The following SDCCAG8 variants were observed in gnomAD, a reference collection of about 807,000 sequenced individuals.
SDCCAG8 encodes the protein serologically defined colon cancer antigen 8.
SDCCAG8 carries 74 observed loss-of-function variants against 101.8 expected under a neutral mutation model. The observed-to-expected ratio is 0.73, with a 90% CI of 0.60 to 0.88. SDCCAG8 has a LOEUF of 0.88. Among genes scored for constraint, SDCCAG8 ranks in the 40% least tolerant of loss-of-function variants. The probability of loss-of-function intolerance (pLI) is 0.00; values close to 1 mark genes in which losing one functional copy is unlikely to be tolerated. For synonymous variants in SDCCAG8, 281 were observed against 292.9 expected, an observed-to-expected ratio of 0.96 and a Z score of 0.41; for missense variants, 787 against 822.6, an observed-to-expected ratio of 0.96 and a Z score of 0.53.
intron 13 of SDCCAG8, among the ~76,000 whole-genome samples, chr1:243,413,897 G>A (rs1485504105): frequency 6.6e-6 from 1 of 152,140 alleles, no homozygotes; most frequent in Non-Finnish European, 1.5e-5. Context: ...CGTCTGAAAA[G>A]TTTTTGCCTC....
At chr1:243,432,474 C>G (rs1019204789) in intron 16 of SDCCAG8, among the ~76,000 whole-genome samples, 1 of 152,080 alleles carries the variant, frequency 6.6e-6, no homozygotes, top group African/African-American at 2.4e-5. Flanking sequence ...TTCACAATCT[C>G]CCATGATACA....
intron 17 of SDCCAG8, among the ~76,000 whole-genome samples, chr1:243,495,949 C>T (rs74153903): frequency 0.011 from 1,671 of 152,234 alleles, 25 homozygotes; most frequent in African/African-American, 0.038. Context: ...CGAATCTCAG[C>T]TCTGCGTTGC....
rs533721896 is a variant in SDCCAG8, at chr1:243,330,587, G to A, written c.1116G>A (p.Ala372=). The change falls in exon 10 of 18, where the codon GCG becomes GCA. Residue 372 remains alanine (A), a synonymous_variant. Coordinates refer to ENST00000366541, the MANE Select transcript of SDCCAG8 (RefSeq NM_006642.5). Reference sequence around the variant, plus strand: ...TGAGGAAGGAGCTGGAGAGGCAGGCGGAGCGACTTGAAAAAGAACTTGCAT... The same window carrying A: ...TGAGGAAGGAGCTGGAGAGGCAGGCAGAGCGACTTGAAAAAGAACTTGCAT... The part of the protein sequence containing the change: ...DQLRKELERQ[A]ERLEKELASQ... 62 of 1,613,960 alleles carry A rather than the reference G, an allele frequency of 3.8e-5. No individual in the cohort carries two copies. The Middle Eastern group carries it at 4.9e-4, about 13-fold the overall frequency.
At chr1:243,447,703 G>C (rs2083039070) in intron 16 of SDCCAG8, among the ~76,000 whole-genome samples, 1 of 152,164 alleles carries the variant, frequency 6.6e-6, no homozygotes, top group Non-Finnish European at 1.5e-5. Flanking sequence ...ACTTTTTAGA[G>C]AGTCAGAATG....
chr1:243,358,976 C>T (rs919649248), intron 12 of SDCCAG8, among the ~76,000 whole-genome samples: 3 of 152,130 alleles, frequency 2.0e-5, no homozygotes, highest in African/African-American at 4.8e-5. Context: ...GGGAGGGACT[C>T]CTGATGGGCA....
chr1:243,463,149 G>A (rs1236427800), intron 16 of SDCCAG8, among the ~76,000 whole-genome samples: 2 of 152,170 alleles, frequency 1.3e-5, no homozygotes, highest in Non-Finnish European at 2.9e-5. Context: ...GATGCTATGG[G>A]TACCAGCAGG....
In SDCCAG8 at chr1:243,443,217, G is replaced by A. The variant is rs1574072120; in HGVS notation, c.1985+16659G>A. ...AACTTTCTCTCAGTGACATGTAAAG[G>A]GAAAGGTTTGAGATAGAATAAGGAA... On this transcript the variant is annotated intron_variant, in intron 16 of 17. Transcript: ENST00000366541. Among the ~76,000 whole-genome samples, 3 of 152,164 alleles carry A rather than the reference G, an allele frequency of 2.0e-5. No homozygotes were observed. The South Asian group carries it at 6.2e-4, about 32-fold the overall frequency.
At chr1:243,467,146 T>A (rs1456098650) in intron 16 of SDCCAG8, among the ~76,000 whole-genome samples, 3 of 152,264 alleles carry the variant, frequency 2.0e-5, no homozygotes, top group Non-Finnish European at 4.4e-5. Flanking sequence ...TCCTGGACAC[T>A]GCTATTGACC....
At chr1:243,382,478 T>C (rs1421325910) in intron 13 of SDCCAG8, among the ~76,000 whole-genome samples, 1 of 152,148 alleles carries the variant, frequency 6.6e-6, no homozygotes, top group East Asian at 1.9e-4. Flanking sequence ...ATAAATAAAG[T>C]TTGATTGGAA....
In SDCCAG8 at chr1:243,270,961, C is replaced by G. The variant is rs1279954956; in HGVS notation, c.221-17C>G. 1 of 1,589,996 alleles carries G rather than the reference C, an allele frequency of 6.3e-7. No homozygotes were observed. Among genetic ancestry groups the G allele is most frequent in the Non-Finnish European group, 8.6e-7 (1 of 1,158,276 alleles). On this transcript the variant is annotated splice_polypyrimidine_tract_variant and intron_variant, in intron 2 of 17. Transcript: ENST00000366541. ...ATCTCAAATAAGGTTAATAAACCCT[C>G]TGCTTTTGCTCTATAGTTAATCAGC...
intron 16 of SDCCAG8, among the ~76,000 whole-genome samples, chr1:243,471,422 G>T (rs1661242255): frequency 6.6e-6 from 1 of 151,906 alleles, no homozygotes; most frequent in Non-Finnish European, 1.5e-5. Context: ...AACTTATTAC[G>T]CTCGTGGGTT....
intron 6 of SDCCAG8, among the ~76,000 whole-genome samples, chr1:243,296,727 A>G (rs1287307520): frequency 6.7e-6 from 1 of 150,238 alleles, no homozygotes; most frequent in Non-Finnish European, 1.5e-5. Flanking sequence ...TTGTATTTTT[A>G]GTAGAGACGG....
At chr1:243,368,388 C>T (rs1227399121) in intron 12 of SDCCAG8, among the ~76,000 whole-genome samples, 8 of 152,222 alleles carry the variant, frequency 5.3e-5, no homozygotes, top group Non-Finnish European at 4.4e-5. Flanking sequence ...TAGTTATGTT[C>T]TCTCCACAAA....
rs2071887367 is a variant in SDCCAG8, at chr1:243,304,569, G to T, written c.676-144G>T. The stretch of plus-strand genomic sequence containing the variant: ...CAATAAAAATAGAAAAATTCAAGTG[G>T]ACTAGGGAAAATATTTTCTAAGAAG... On this transcript the variant is annotated intron_variant, in intron 6 of 17. Coordinates refer to ENST00000366541, the MANE Select transcript of SDCCAG8 (RefSeq NM_006642.5). 13 of 617,238 alleles carry T rather than the reference G, an allele frequency of 2.1e-5. No individual in the cohort carries two copies. In the South Asian group the frequency reaches 2.7e-4, roughly 13 times the overall value. 38.2% of individuals were successfully genotyped at this position (617,238 alleles called of 1,614,324 possible).
At chr1:243,444,054 A>T (rs1004892584) in intron 16 of SDCCAG8, among the ~76,000 whole-genome samples, 1 of 152,212 alleles carries the variant, frequency 6.6e-6, no homozygotes, top group Non-Finnish European at 1.5e-5. Flanking sequence ...CTTCCCACTG[A>T]CAAATGACAA....
At chr1:243,282,824 T>C (rs979998769) in intron 4 of SDCCAG8, among the ~76,000 whole-genome samples, 1 of 152,112 alleles carries the variant, frequency 6.6e-6, no homozygotes, top group East Asian at 1.9e-4. Flanking sequence ...TTTGTTTTTT[T>C]GTTTGTTTGA....
intron 4 of SDCCAG8, among the ~76,000 whole-genome samples, chr1:243,280,000 T>A (rs58686640): frequency 0.022 from 3,396 of 152,298 alleles, 136 homozygotes; most frequent in African/African-American, 0.077. Context: ...AAATATTTGA[T>A]AGAATTCACT....
At position 243,462,430 on chromosome 1, in the gene SDCCAG8, G is replaced by A. The variant is rs568142744; in HGVS notation, c.1986-26584G>A. ...GGGGCTGTGTGGCTGTGAAGGTAAG[G>A]ACAGTAACCAGTGAGGTTTCCCTCC... On this transcript the variant is annotated intron_variant, in intron 16 of 17. Coordinates refer to ENST00000366541, the MANE Select transcript of SDCCAG8 (RefSeq NM_006642.5). Among the ~76,000 whole-genome samples the A allele has an allele frequency of 2.5e-4, 38 of 152,358 alleles. No homozygotes were observed. The South Asian group carries it at 5.4e-3, about 22-fold the overall frequency.
At chr1:243,291,715 G>A (rs981095326) in intron 5 of SDCCAG8, among the ~76,000 whole-genome samples, 5 of 152,090 alleles carry the variant, frequency 3.3e-5, no homozygotes, top group African/African-American at 9.7e-5. Context: ...TCCTACACCT[G>A]GCCATTCTCT....
Sources: gnomAD v4.1 joint callset for allele counts (sites outside exome capture counted in the v4.1 genomes callset) on GRCh38, gnomAD v4.1.1 for gene constraint, MANE v1.5 for transcripts, NCBI Gene and HGNC (gene_info 2026-07-23, HGNC 2026-07-21) for gene names.